Variants in NAALADL2 observed in about 807,000 individuals in gnomAD.
The protein encoded by NAALADL2 is N-acetylated alpha-linked acidic dipeptidase like 2.
In NAALADL2, 76 loss-of-function variants were observed where a neutral mutation model predicts 87.2. That is an observed-to-expected ratio of 0.87 (90% confidence interval 0.72 to 1.05). NAALADL2 has a LOEUF of 1.05. Ranked by LOEUF, NAALADL2 falls within the 50% of genes least tolerant of loss-of-function variation. The pLI, the probability that NAALADL2 is intolerant of heterozygous loss-of-function variation, is 0.00. For synonymous variants in NAALADL2, 354 were observed against 331.0 expected, an observed-to-expected ratio of 1.07 and a Z score of -0.75; for missense variants, 1,089 against 945.8, an observed-to-expected ratio of 1.15 and a Z score of -1.99.
chr3:175,201,539 A>G (rs1175688806), intron 2 of NAALADL2, among the ~76,000 whole-genome samples: 1 of 152,206 alleles, frequency 6.6e-6, no homozygotes, highest in Non-Finnish European at 1.5e-5. Flanking sequence ...GAAAAACAAT[A>G]AGACATTATA....
chr3:174,485,451 C>A (rs886704872), intron 1 of NAALADL2, among the ~76,000 whole-genome samples: 1 of 151,634 alleles, frequency 6.6e-6, no homozygotes, highest in Non-Finnish European at 1.5e-5. Context: ...CTCCACCCAC[C>A]CCCCTCTCTC....
chr3:174,677,221 A>G (rs1432180560), intron 2 of NAALADL2, among the ~76,000 whole-genome samples: 2 of 151,858 alleles, frequency 1.3e-5, no homozygotes, highest in South Asian at 2.1e-4. Flanking sequence ...GACCTTAAAC[A>G]TATGTGTTTA....
At chr3:175,284,920 G>A (rs938320805) in intron 4 of NAALADL2, among the ~76,000 whole-genome samples, 25 of 151,928 alleles carry the variant, frequency 1.6e-4, no homozygotes, top group Non-Finnish European at 3.1e-4. Flanking sequence ...AACATAAAGT[G>A]CCCAGTGTTG....
chr3:175,012,191 A>C (rs865995287), intron 1 of NAALADL2, among the ~76,000 whole-genome samples: 1 of 151,960 alleles, frequency 6.6e-6, no homozygotes, highest in Non-Finnish European at 1.5e-5. Context: ...TGAGATGGAG[A>C]TTTGCTCCTG....
At chr3:175,765,405 AT>A (rs1037942310) in intron 13 of NAALADL2, among the ~76,000 whole-genome samples, 1 of 152,000 alleles carries the variant, frequency 6.6e-6, no homozygotes, top group Non-Finnish European at 1.5e-5. Context: ...TTCAAGCCTC[AT>A]TTTTTTCACT....
intron 2 of NAALADL2, among the ~76,000 whole-genome samples, chr3:175,187,735 C>T (rs1346632019): frequency 6.6e-6 from 1 of 151,930 alleles, no homozygotes; most frequent in Non-Finnish European, 1.5e-5. Flanking sequence ...AGAATGATCT[C>T]ACCAGCAGAA....
At chr3:175,224,235 C>A (rs1209630807) in intron 2 of NAALADL2, among the ~76,000 whole-genome samples, 1 of 151,998 alleles carries the variant, frequency 6.6e-6, no homozygotes, top group Non-Finnish European at 1.5e-5. Flanking sequence ...ATTAGATGTT[C>A]TTATGATCAG....
At chr3:175,450,065 T>C (rs1721328146) in intron 6 of NAALADL2, among the ~76,000 whole-genome samples, 1 of 152,072 alleles carries the variant, frequency 6.6e-6, no homozygotes, top group South Asian at 2.1e-4. Flanking sequence ...TATTGGAAAA[T>C]CTAAATATAT....
intron 1 of NAALADL2, among the ~76,000 whole-genome samples, chr3:174,893,320 G>C (rs60750460): frequency 0.17 from 15,520 of 91,808 alleles, 968 homozygotes; most frequent in African/African-American, 0.24. Context: ...ACCCCCCCCC[G>C]CAAAAAGTTA....
chr3:174,807,209 C>G (rs1300559344), intron 3 of NAALADL2, among the ~76,000 whole-genome samples: 1 of 151,990 alleles, frequency 6.6e-6, no homozygotes, highest in East Asian at 1.9e-4. Context: ...TACCACCCAA[C>G]TTTTTTTTCT....
intron 11 of NAALADL2, among the ~76,000 whole-genome samples, chr3:175,722,376 G>A (rs1742355728): frequency 6.6e-6 from 1 of 152,014 alleles, no homozygotes; most frequent in African/African-American, 2.4e-5. Context: ...TTCCATGAAT[G>A]ACATAGTACA....
At chr3:174,660,674 TAAATGAA>T (rs759866955) in intron 2 of NAALADL2, among the ~76,000 whole-genome samples, 1 of 152,140 alleles carries the variant, frequency 6.6e-6, no homozygotes, top group South Asian at 2.1e-4. Context: ...AAATTTATCT[TAAATGAA>T]TAGTAATTTT....
chr3:175,600,577 G>A (rs1268434972), intron 10 of NAALADL2, among the ~76,000 whole-genome samples: 4 of 109,890 alleles, frequency 3.6e-5, no homozygotes, highest in East Asian at 3.1e-4. Context: ...TCGCTCTGTC[G>A]CCCAGGCTGG....
intron 1 of NAALADL2, among the ~76,000 whole-genome samples, chr3:174,867,448 T>A (rs1301470559): frequency 1.3e-5 from 2 of 152,042 alleles, no homozygotes; most frequent in Non-Finnish European, 2.9e-5. Flanking sequence ...ATAAGCCATT[T>A]TCCTTTTTTG....
chr3:174,650,291 C>A (rs1724223384), intron 2 of NAALADL2, among the ~76,000 whole-genome samples: 1 of 152,044 alleles, frequency 6.6e-6, no homozygotes, highest in African/African-American at 2.4e-5. Flanking sequence ...AAATACAATT[C>A]ATCAAAATGC....
At chr3:175,550,715 A>C (rs372146575) in intron 9 of NAALADL2, among the ~76,000 whole-genome samples, 48 of 152,310 alleles carry the variant, frequency 3.2e-4, no homozygotes, top group African/African-American at 1.1e-3. Context: ...ATGGCAAAGA[A>C]GTAAGAATCT....
chr3:175,073,913 C>T (rs1182516539), intron 1 of NAALADL2, among the ~76,000 whole-genome samples: 1 of 152,094 alleles, frequency 6.6e-6, no homozygotes, highest in Admixed American at 6.6e-5. Context: ...AAGCCCCCTC[C>T]CCTACCATTT....
chr3:174,730,500 T>C (rs1264280355), intron 2 of NAALADL2, among the ~76,000 whole-genome samples: 3 of 152,132 alleles, frequency 2.0e-5, no homozygotes, highest in African/African-American at 7.2e-5. Context: ...AAAGAACTTT[T>C]AAAAGAATAT....
intron 11 of NAALADL2, among the ~76,000 whole-genome samples, chr3:175,716,258 G>GGAATACA (rs1561024740): frequency 1.4e-5 from 2 of 143,030 alleles, no homozygotes; most frequent in African/African-American, 5.1e-5. Flanking sequence ...TATAATATAT[G>GGAATACA]TATATAATAT....
Sources: gnomAD v4.1 joint callset for allele counts (sites outside exome capture counted in the v4.1 genomes callset) on GRCh38, gnomAD v4.1.1 for gene constraint, MANE v1.5 for transcripts, NCBI Gene and HGNC (gene_info 2026-07-23, HGNC 2026-07-21) for gene names.